Variants in RASEF observed in about 807,000 individuals in gnomAD.
The protein encoded by RASEF is ras and EF-hand domain-containing protein.
In RASEF, 68 loss-of-function variants were observed where a neutral mutation model predicts 90.1. The observed-to-expected ratio is 0.75, with a 90% CI of 0.62 to 0.92. The LOEUF is 0.92. RASEF is among the 40% of genes least tolerant of loss of function. RASEF has a pLI of 0.00. For synonymous variants in RASEF, 331 were observed against 345.2 expected (o/e 0.96, Z 0.46); for missense variants, 949 against 937.2 (o/e 1.01, Z -0.16).
Position 82,982,469 on chromosome 9 carries a change from T to TTA in RASEF, c.*206_*207dup. Reference sequence around the variant, plus strand: ...ACCTGTAAGGACATGACTAGTCTATTTAGCCAGAGGGCCCAAATCACTCAC... The same window carrying TTA: ...ACCTGTAAGGACATGACTAGTCTATTTATAGCCAGAGGGCCCAAATCACTCAC... On this transcript the variant is annotated 3_prime_UTR_variant, in exon 17 of 17. Transcript: ENST00000376447. The TTA allele has an allele frequency of 2.1e-6, 1 of 485,124 alleles. No homozygotes were observed. Among genetic ancestry groups the TTA allele is most frequent in the Non-Finnish European group, 3.8e-6 (1 of 266,450 alleles). The allele number at this position is 485,124 out of a possible 1,614,324, so 30.1% of individuals were successfully genotyped here. A position where few individuals can be genotyped will look rare whatever the true frequency, so the allele number is the denominator to read the frequency against.
the RASEF span, among the ~76,000 whole-genome samples, chr9:83,180,714 T>C: frequency 1.3e-5 from 2 of 152,134 alleles, no homozygotes; most frequent in Non-Finnish European, 1.5e-5. Context: ...AGGGGAAATG[T>C]TGCTTTGATT....
chr9:83,017,372 C>T (rs1401549110), intron 3 of RASEF, among the ~76,000 whole-genome samples: 3 of 150,236 alleles, frequency 2.0e-5, no homozygotes, highest in Admixed American at 6.6e-5. Context: ...TGGTGGCAGG[C>T]GCCTGTTGTC....
the RASEF span, among the ~76,000 whole-genome samples, chr9:83,195,186 G>C: frequency 6.6e-6 from 1 of 152,142 alleles, no homozygotes; most frequent in Non-Finnish European, 1.5e-5. Context: ...GCTATGTGGC[G>C]GGATTTCAGT....
chr9:83,178,805 A>G, the RASEF span, among the ~76,000 whole-genome samples: 1 of 152,142 alleles, frequency 6.6e-6, no homozygotes, highest in Non-Finnish European at 1.5e-5. Flanking sequence ...CTCAACTCAC[A>G]TTATATTGTT....
At chr9:83,094,534 G>A in the RASEF span, among the ~76,000 whole-genome samples, 2 of 151,992 alleles carry the variant, frequency 1.3e-5, no homozygotes, top group South Asian at 4.1e-4. Flanking sequence ...CTCATTGTCT[G>A]AAACCAGTTC....
At chr9:83,012,229 T>C (rs1829259636) in intron 5 of RASEF, among the ~76,000 whole-genome samples, 1 of 152,126 alleles carries the variant, frequency 6.6e-6, no homozygotes, top group Non-Finnish European at 1.5e-5. Context: ...GTATGAAAAA[T>C]AAGTAAAAGC....
intron 16 of RASEF, among the ~76,000 whole-genome samples, chr9:82,986,903 A>G (rs4355855): frequency 0.54 from 82,443 of 152,010 alleles, 22,662 homozygotes; most frequent in East Asian, 0.83. Context: ...AGCACTATAT[A>G]GAAATTGCAT....
the RASEF span, among the ~76,000 whole-genome samples, chr9:83,169,350 TACAC>T: frequency 0.13 from 18,780 of 145,744 alleles, 1,249 homozygotes; most frequent in Middle Eastern, 0.2. Context: ...CTGATTTCCA[TACAC>T]ACACACACAC....
intron 5 of RASEF, among the ~76,000 whole-genome samples, chr9:83,011,504 A>G (rs925613072): frequency 1.4e-5 from 2 of 139,282 alleles, no homozygotes; most frequent in Admixed American, 7.6e-5. Context: ...GTGAGCCAAG[A>G]TCGTGCCACT....
At chr9:83,055,319 C>G (rs557133446) in intron 1 of RASEF, 2 of 387,100 alleles carry the variant, frequency 5.2e-6, no homozygotes, top group South Asian at 2.3e-5. Flanking sequence ...CAGGTGCGTC[C>G]GTCACCCCTT....
the RASEF span, among the ~76,000 whole-genome samples, chr9:83,070,629 C>A: frequency 6.6e-6 from 1 of 152,046 alleles, no homozygotes; most frequent in African/African-American, 2.4e-5. Flanking sequence ...CTAGGTATTA[C>A]CATAGAAATT....
chr9:83,030,638 C>T (rs1829628830), intron 1 of RASEF, among the ~76,000 whole-genome samples: 1 of 152,100 alleles, frequency 6.6e-6, no homozygotes, highest in Admixed American at 6.5e-5. Flanking sequence ...AACTGTTGTG[C>T]CAGGACTCCA....
chr9:83,025,911 C>T lies in RASEF; in HGVS notation c.442G>A (p.Val148Ile). 6.3e-7 allele frequency: 1 copy of T among 1,595,702 alleles called. No homozygotes were observed. The highest frequency in any genetic ancestry group is 8.5e-7 in the Non-Finnish European group (1 of 1,172,898). Residue 148 changes from valine (V) to isoleucine (I), a missense_variant, in exon 2 of 17, where the codon GTT (valine) becomes ATT (isoleucine). Physicochemically the swap from Val to Ile is conservative, Grantham distance 29. Transcript: ENST00000376447. ...TTGATGTTTTGGTACAAGGTACTAA[C>T]TTGCTCTTCTCTGCCAAATAAATAA... Reference protein sequence around the residue: ...EAKFIPREEQVSTLYQNINLV... With the variant: ...EAKFIPREEQISTLYQNINLV...
At chr9:83,060,307 G>T (rs558147206) in intron 1 of RASEF, among the ~76,000 whole-genome samples, 9 of 152,302 alleles carry the variant, frequency 5.9e-5, no homozygotes, top group Non-Finnish European at 1.0e-4. Context: ...ACTTTTTAAA[G>T]AAAAGCTCAA....
the RASEF span, among the ~76,000 whole-genome samples, chr9:83,161,790 T>C: frequency 6.6e-6 from 1 of 151,910 alleles, no homozygotes; most frequent in Admixed American, 6.6e-5. Context: ...GGTGATTGAA[T>C]TATGGGGGCG....
chr9:83,208,914 C>T, the RASEF span, among the ~76,000 whole-genome samples: 1 of 152,168 alleles, frequency 6.6e-6, no homozygotes, highest in South Asian at 2.1e-4. Flanking sequence ...GGGAGTCCTA[C>T]AGAAGTTTGG....
chr9:83,028,138 A>G lies in RASEF; in HGVS notation c.432-2217T>C, dbSNP rs1349411009. On this transcript the variant is annotated intron_variant, in intron 1 of 16. Transcript: ENST00000376447. ...ATACCAGCATCAAATAATTCTATCA[A>G]TTCTCATTAAGTCCAGAAATGTTGG... 5.3e-5 allele frequency among the ~76,000 whole-genome samples: 8 copies of G among 152,306 alleles called. No individual in the cohort carries two copies. In the South Asian group the frequency reaches 1.2e-3, roughly 24 times the overall value.
the RASEF span, among the ~76,000 whole-genome samples, chr9:83,194,575 T>C: frequency 3.9e-5 from 6 of 152,206 alleles, no homozygotes; most frequent in African/African-American, 1.4e-4. Flanking sequence ...ACACTAACTA[T>C]AGACCACACT....
At chr9:83,192,914 A>G in the RASEF span, among the ~76,000 whole-genome samples, 1 of 152,322 alleles carries the variant, frequency 6.6e-6, no homozygotes, top group Middle Eastern at 3.4e-3. Context: ...AAATGACTTT[A>G]CTGTTGAAAA....
Sources: allele counts gnomAD v4.1 joint callset (sites outside exome capture counted in the v4.1 genomes callset), GRCh38; gene constraint gnomAD v4.1.1; transcripts MANE v1.5; gene names NCBI Gene and HGNC (gene_info 2026-07-23, HGNC 2026-07-21).